The following HEATR4 variants were observed in gnomAD, a reference collection of about 807,000 sequenced individuals.
HEATR4 encodes HEAT repeat-containing protein 4.
In HEATR4, 95 loss-of-function variants were observed where a neutral mutation model predicts 108.8. The ratio of observed to expected loss-of-function variants is 0.87; its 90% confidence interval spans 0.74 to 1.04. The LOEUF is 1.04. Among genes scored for constraint, HEATR4 ranks in the 50% least tolerant of loss-of-function variants. The probability of loss-of-function intolerance (pLI) is 0.00; values close to 1 mark genes in which losing one functional copy is unlikely to be tolerated. For missense variants in HEATR4, 1,152 were observed against 1,253.8 expected, an observed-to-expected ratio of 0.92 and a Z score of 1.23; for synonymous variants, 443 against 459.4, an observed-to-expected ratio of 0.96 and a Z score of 0.46.
At chr14:73,484,204 C>T (rs1265279489) in intron 17 of HEATR4, among the ~76,000 whole-genome samples, 2 of 151,574 alleles carry the variant, frequency 1.3e-5, no homozygotes, top group African/African-American at 4.9e-5. Flanking sequence ...CATCATTTTT[C>T]AAAATTATTT....
At chr14:73,573,911 G>A in the HEATR4 span, among the ~76,000 whole-genome samples, 2 of 151,980 alleles carry the variant, frequency 1.3e-5, no homozygotes, top group African/African-American at 4.8e-5. Flanking sequence ...ATTTTTAGTG[G>A]AGGCGGGGTT....
chr14:73,499,335 G>C (rs1471513478), intron 12 of HEATR4, among the ~76,000 whole-genome samples, 195 bp from the exon 13 acceptor site: 1 of 152,116 alleles, frequency 6.6e-6, no homozygotes, highest in Non-Finnish European at 1.5e-5. Flanking sequence ...ACAAAAATTA[G>C]CCGGGCATGG....
At chr14:73,612,794 C>T in the HEATR4 span, 1 of 1,379,500 alleles carries the variant, frequency 7.2e-7, no homozygotes, top group East Asian at 3.0e-5. Flanking sequence ...CTTCGCGGGG[C>T]TCCAGCCCAT....
chr14:73,612,752 G>C, the HEATR4 span: 1 of 1,373,660 alleles, frequency 7.3e-7, no homozygotes, highest in Non-Finnish European at 9.3e-7. Flanking sequence ...CGACGAGCTG[G>C]ACCTGGAGCG....
chr14:73,498,157 T>C lies in HEATR4; in HGVS notation c.2544A>G (p.Leu848=). Residue 848 remains leucine, a splice_region_variant and synonymous_variant, in exon 14 of 18, where the codon CTA becomes CTG. Transcript: ENST00000553558. ...GGAGCCAGAGGTTTAGTGCTTACTT[T>C]AGAACAGCATCGTGGTTCTCCAGGA... is the stretch of plus-strand genomic sequence containing the variant. The part of the protein sequence containing the change: ...VLLLENHDAV[L]KEMYQTMKIL... 2 of 1,609,918 alleles carry C rather than the reference T, an allele frequency of 1.2e-6. No individual in the cohort carries two copies. Among genetic ancestry groups the C allele is most frequent in the Non-Finnish European group, 1.7e-6 (2 of 1,176,960 alleles).
rs868025844 is a variant in HEATR4 at position 73,490,935 on chromosome 14, A to T, written c.2844+2131T>A. 2.2e-4 allele frequency: 275 copies of T among 1,266,136 alleles called. No homozygotes were observed. In the Middle Eastern group the frequency reaches 5.5e-3, roughly 25 times the overall value. 78.4% of individuals were successfully genotyped at this position (1,266,136 alleles called of 1,614,324 possible). A position where few individuals can be genotyped will look rare whatever the true frequency, so the allele number is the denominator to read the frequency against. ...GCTGGAGGCCGCGCCCCCTTCCCAG[A>T]GTGCACCGCAGCCGCTGCATTCAGG... On this transcript the variant is annotated intron_variant, in intron 17 of 17. Coordinates refer to ENST00000553558, the MANE Select transcript of HEATR4 (RefSeq NM_001220484.1).
At chr14:73,601,518 C>T in the HEATR4 span, among the ~76,000 whole-genome samples, 9 of 152,082 alleles carry the variant, frequency 5.9e-5, no homozygotes, top group African/African-American at 1.2e-4. Context: ...GAGCTGAGAT[C>T]GCGCCACTGC....
chr14:73,588,751 C>G, the HEATR4 span, among the ~76,000 whole-genome samples: 1 of 151,966 alleles, frequency 6.6e-6, no homozygotes, highest in African/African-American at 2.4e-5. Flanking sequence ...TAAGCCAGAC[C>G]CACTCTTGAT....
At chr14:73,490,528 A>G (rs1336294560) in intron 17 of HEATR4, among the ~76,000 whole-genome samples, 3 of 151,984 alleles carry the variant, frequency 2.0e-5, no homozygotes, top group African/African-American at 7.3e-5. Context: ...TCACCGTGTT[A>G]GCCAGGATGG....
chr14:73,481,991 C>T (rs1283252896), intron 17 of HEATR4, among the ~76,000 whole-genome samples: 2 of 151,870 alleles, frequency 1.3e-5, no homozygotes, highest in African/African-American at 4.8e-5. Flanking sequence ...AGGAGGAGAC[C>T]CTGTCTCAAA....
rs758423378 is a variant in HEATR4 at position 73,522,282 on chromosome 14, C to T, written c.871G>A (p.Val291Ile). 17 of 1,613,670 alleles carry T rather than the reference C, an allele frequency of 1.1e-5. No homozygotes were observed. The highest frequency in any genetic ancestry group is 3.3e-5 in the Admixed American group (2 of 59,990). ...CCCTGGCCAGTATACCTGTAGTAAA[C>T]GGGAAGCAGCAGTTCTGGCTTCTTC... is the stretch of plus-strand genomic sequence containing the variant. ...EKKKPELLLP[V>I]YYRLPSYFQQ... Residue 291 changes from valine to isoleucine, a missense_variant, in exon 3 of 18, where the codon GTT becomes ATT. By Grantham distance (29) the Val-to-Ile change is conservative. Transcript: ENST00000553558.
chr14:73,523,060 G>C lies in HEATR4; in HGVS notation c.93C>G (p.Tyr31Ter), dbSNP rs1457647328. 6.2e-7 allele frequency: 1 copy of C among 1,613,996 alleles called. No homozygotes were observed. The highest frequency in any genetic ancestry group is 1.1e-5 in the South Asian group (1 of 91,086). Residue 31 changes from tyrosine (Y) to a stop codon, truncating the protein, a stop_gained, in exon 3 of 18, where the codon TAC becomes TAG. Coordinates refer to ENST00000553558, the MANE Select transcript of HEATR4 (RefSeq NM_001220484.1). LOFTEE classifies it high-confidence loss of function. ...ACTCCTCCTTGCCTTTCAATTTTGA[G>C]TAGTTTAAAATCATGCCCCATCCCA... ...PRLGWGMILN[Y>*]SKLKGKEECA...
At chr14:73,629,692 T>C in the HEATR4 span, among the ~76,000 whole-genome samples, 9 of 151,888 alleles carry the variant, frequency 5.9e-5, no homozygotes, top group East Asian at 1.2e-3. Flanking sequence ...TTGCCCAGGC[T>C]GGAGTGCAGT....
At chr14:73,569,592 A>T in the HEATR4 span, 1 of 1,601,330 alleles carries the variant, frequency 6.2e-7, no homozygotes, top group Non-Finnish European at 8.5e-7. Flanking sequence ...CCGCGCCGAC[A>T]CTCTTGGCGA....
rs1392529661 is a variant in HEATR4 at position 73,547,760 on chromosome 14, C to T, written c.-152+10991G>A. ...AATTTGCCAGGGGTGGTGGTGTGCA[C>T]CTGTACTCCCAACTACTTGGCAGGC... On this transcript the variant is annotated intron_variant, in intron 1 of 17. Transcript: ENST00000553558. 1.8e-5 allele frequency among the ~76,000 whole-genome samples: 2 copies of T among 113,942 alleles called. 1 individual carries two copies. The highest frequency in any genetic ancestry group is 3.8e-5 in the Non-Finnish European group (2 of 52,326). 74.8% of individuals were successfully genotyped at this position (113,942 alleles called of 152,430 possible).
the HEATR4 span, chr14:73,568,981 G>A: frequency 1.9e-6 from 1 of 519,070 alleles, no homozygotes; most frequent in Non-Finnish European, 3.4e-6. Flanking sequence ...GGAGTTTGGA[G>A]CCTGGAGACT....
In HEATR4 at chr14:73,523,225, C is replaced by G; in HGVS notation, c.-72-1G>C. ...AAGGCCTGGAGATGAGACCTGGCACCTGTTAAGGGAATGGGAGGAACTGAT... is the reference window on the plus strand; with the variant it reads ...AAGGCCTGGAGATGAGACCTGGCACGTGTTAAGGGAATGGGAGGAACTGAT... On this transcript the variant is annotated splice_acceptor_variant, in intron 2 of 17. Coordinates refer to ENST00000553558, the MANE Select transcript of HEATR4 (RefSeq NM_001220484.1). LOFTEE classifies it low-confidence loss of function (5UTR_SPLICE). The G allele has an allele frequency of 7.0e-7, 1 of 1,420,522 alleles. No homozygotes were observed. The highest frequency in any genetic ancestry group is 1.4e-5 in the South Asian group (1 of 71,720). The allele number at this position is 1,420,522 out of a possible 1,614,324, so 88.0% of individuals were successfully genotyped here. A position where few individuals can be genotyped will look rare whatever the true frequency, so the allele number is the denominator to read the frequency against.
the HEATR4 span, among the ~76,000 whole-genome samples, chr14:73,565,206 T>C: frequency 6.6e-6 from 1 of 152,038 alleles, no homozygotes; most frequent in African/African-American, 2.4e-5. Context: ...GAAGGGATCT[T>C]TTAAGTATTT....
intron 17 of HEATR4, among the ~76,000 whole-genome samples, chr14:73,484,837 C>G (rs985190067): frequency 8.4e-4 from 119 of 141,990 alleles, no homozygotes; most frequent in Middle Eastern, 6.9e-3. Flanking sequence ...CACACAGACA[C>G]ACACACACAC....
Sources: allele counts gnomAD v4.1 joint callset (sites outside exome capture counted in the v4.1 genomes callset), GRCh38; gene constraint gnomAD v4.1.1; transcripts MANE v1.5; gene names NCBI Gene and HGNC (gene_info 2026-07-23, HGNC 2026-07-21).